TEP1: variants seen among roughly 807,000 people sequenced by gnomAD.
TEP1 encodes the protein telomerase associated protein 1.
A neutral mutation model predicts 306.3 loss-of-function variants in TEP1; 241 were observed. The observed-to-expected ratio is 0.79, with a 90% CI of 0.71 to 0.88. TEP1 has a LOEUF of 0.88. Among genes scored for constraint, TEP1 ranks in the 40% least tolerant of loss-of-function variants. The pLI is 0.00. For synonymous variants in TEP1, 1,289 were observed against 1,305.5 expected (o/e 0.99, Z 0.27); for missense variants, 3,051 against 3,276.1 (o/e 0.93, Z 1.68).
At chr14:20,408,573 A>G (rs1879395384) in intron 1 of TEP1, 110 bp from the exon 2 acceptor site, 1 of 844,426 alleles carries the variant, frequency 1.2e-6, no homozygotes, top group Non-Finnish European at 1.8e-6. Context: ...ATTTGTGGGT[A>G]GAAAACAACC....
chr14:20,382,075 A>G lies in TEP1; in HGVS notation c.4274-12T>C. The G allele has an allele frequency of 6.2e-7, 1 of 1,613,816 alleles. No homozygotes were observed. Among genetic ancestry groups the G allele is most frequent in the African/African-American group, 1.3e-5 (1 of 74,986 alleles). On this transcript the variant is annotated splice_polypyrimidine_tract_variant and intron_variant, in intron 29 of 54. Coordinates refer to ENST00000262715, the MANE Select transcript of TEP1 (RefSeq NM_007110.5). Reference sequence around the variant, plus strand: ...GTCCACAGTCAAACCTGAAAACTCAAGCTCTCTGAGGCCCTCATCTAACCA... The same window carrying G: ...GTCCACAGTCAAACCTGAAAACTCAGGCTCTCTGAGGCCCTCATCTAACCA...
rs556718875 is a variant in TEP1 at position 20,368,867 on chromosome 14, T to C, written c.7692A>G (p.Leu2564=). Reference sequence around the variant, plus strand: ...TCGAAGCTGTCACCAGCAACTCAGGTAGCACATGGAGGGCTGTGACAGAGC... The same window carrying C: ...TCGAAGCTGTCACCAGCAACTCAGGCAGCACATGGAGGGCTGTGACAGAGC... ...HSGSVTALHV[L]PELLVTASKD... is the part of the protein sequence containing the mutation. The change falls in exon 54 of 55, where the codon CTA becomes CTG. Residue 2564 remains leucine, a synonymous_variant. Coordinates refer to ENST00000262715, the MANE Select transcript of TEP1 (RefSeq NM_007110.5). 3 of 1,613,820 alleles carry C rather than the reference T, an allele frequency of 1.9e-6. No individual in the cohort carries two copies. In the African/African-American group the frequency reaches 4.0e-5, roughly 22 times the overall value.
At position 20,401,157 on chromosome 14, in the gene TEP1, A is replaced by T; in HGVS notation, c.1392-16T>A. 1 of 1,613,348 alleles carries T rather than the reference A, an allele frequency of 6.2e-7. No homozygotes were observed. ...GGAGGGGTATCTGAGGATAGGTAAG[A>T]AAGAGGTCTATCATTTCAGAGTCAG... On this transcript the variant is annotated splice_polypyrimidine_tract_variant and intron_variant, in intron 8 of 54. Coordinates refer to ENST00000262715, the MANE Select transcript of TEP1 (RefSeq NM_007110.5).
chr14:20,382,897 C>T lies in TEP1; in HGVS notation c.4048-182G>A, dbSNP rs148776761. The stretch of plus-strand genomic sequence containing the variant: ...CCTACGCTGCTCTGCCCAGCCAGCC[C>T]TGCCAGAAAACCCCTGTGGCTCGGC... On this transcript the variant is annotated intron_variant, in intron 27 of 54. Coordinates refer to ENST00000262715, the MANE Select transcript of TEP1 (RefSeq NM_007110.5). 2.1e-3 allele frequency among the ~76,000 whole-genome samples: 315 copies of T among 152,336 alleles called. 3 individuals carry two copies. Among genetic ancestry groups the T allele is most frequent in the Non-Finnish European group, 4.0e-3 (269 of 68,032 alleles).
At chr14:20,400,214 C>T (rs538164859) in intron 9 of TEP1, among the ~76,000 whole-genome samples, 63 of 151,118 alleles carry the variant, frequency 4.2e-4, no homozygotes, top group Admixed American at 1.1e-3. Flanking sequence ...TCTACTCCAC[C>T]CCAAGTGGTT....
Position 20,382,352 on chromosome 14 carries a change from G to A in TEP1, c.4145C>T (p.Ser1382Phe). Residue 1382 changes from serine to phenylalanine, a missense_variant, in exon 29 of 55, where the codon TCT (serine) becomes TTT (phenylalanine). Ser to Phe is a radical substitution (Grantham distance 155, BLOSUM62 -2). This residue lies in a region of TEP1 where 1,540 missense variants were observed against 1,705.9 expected (regional missense o/e 0.90). Coordinates refer to ENST00000262715, the MANE Select transcript of TEP1 (RefSeq NM_007110.5). ...GGCAGGCAGGGTCCGGAGTCTCTCA[G>A]ACACCTAGGATGGCGGGAGGACAGC... is the stretch of plus-strand genomic sequence containing the variant. Reference protein sequence around the residue: ...LRLFTLYEQVSERLRTLPATV... With the variant: ...LRLFTLYEQVFERLRTLPATV... The A allele has an allele frequency of 6.2e-7, 1 of 1,608,112 alleles. No homozygotes were observed. Among genetic ancestry groups the A allele is most frequent in the Non-Finnish European group, 8.5e-7 (1 of 1,177,018 alleles).
chr14:20,383,227 C>G lies in TEP1; in HGVS notation c.3994G>C (p.Glu1332Gln), dbSNP rs1169160326. 1.9e-6 allele frequency: 3 copies of G among 1,613,854 alleles called. No individual in the cohort carries two copies. Among genetic ancestry groups the G allele is most frequent in the Non-Finnish European group, 2.5e-6 (3 of 1,179,972 alleles). The change falls in exon 27 of 55, where the codon GAG becomes CAG. Residue 1332 changes from glutamate (E) to glutamine (Q), a missense_variant. Transcript: ENST00000262715. ...CGCTTCCCGTACAGGGCCAGCTCCT[C>G]TCTCACCAGCCGGGCCCGAGCAGAG... ...EASARARLVR[E>Q]ELALYGKRLE...
chr14:20,390,579 A>T, intron 15 of TEP1, 102 bp downstream of exon 15: 1 of 1,084,346 alleles, frequency 9.2e-7, no homozygotes, highest in Non-Finnish European at 1.4e-6. Context: ...TGACTATTGT[A>T]TGTGGTTGGA....
chr14:20,373,142 T>G lies in TEP1; in HGVS notation c.6820A>C (p.Thr2274Pro). 6.2e-7 allele frequency: 1 copy of G among 1,614,178 alleles called. No individual in the cohort carries two copies. Among genetic ancestry groups the G allele is most frequent in the Non-Finnish European group, 8.5e-7 (1 of 1,180,026 alleles). The change falls in exon 48 of 55, where the codon ACA becomes CCA. Residue 2274 changes from threonine to proline, a missense_variant. Around this residue, in one of 3 missense-constraint regions of TEP1, gnomAD observed 1,540 missense variants for 1,705.9 expected, o/e 0.90. Coordinates refer to ENST00000262715, the MANE Select transcript of TEP1 (RefSeq NM_007110.5). ...LWQVPKEADD[T>P]CIPRSSAAVT... ...GCTGCAGAACTCCTTGGTATACATG[T>G]GTCATCTGGAGGAGAAAGGACGTGT...
At chr14:20,391,220 A>G in intron 13 of TEP1, 124 bp from the exon 14 acceptor site, 1 of 1,028,794 alleles carries the variant, frequency 9.7e-7, no homozygotes, top group East Asian at 2.6e-5. Context: ...TAAAATCCCA[A>G]GTTAGGAGGG....
Position 20,376,141 on chromosome 14 carries a change from G to A in TEP1, c.6212C>T (p.Thr2071Ile), listed in dbSNP as rs1885163031. Residue 2071 changes from threonine (T) to isoleucine (I), a missense_variant, in exon 42 of 55, where the codon ACT becomes ATT. By Grantham distance (89) the Thr-to-Ile change is moderately conservative. This residue lies in a region of TEP1 where 1,540 missense variants were observed against 1,705.9 expected (regional missense o/e 0.90). Coordinates refer to ENST00000262715, the MANE Select transcript of TEP1 (RefSeq NM_007110.5). ...EGPVSCCSFS[T>I]DGGSLATGGR... ...CCCGGTGGCCAGGCTGCCTCCATCA[G>A]TGCTGAAACTACAGCAGCTCACAGG... The A allele has an allele frequency of 1.2e-6, 2 of 1,614,102 alleles. No individual in the cohort carries two copies. The highest frequency in any genetic ancestry group is 1.7e-5 in the Admixed American group (1 of 60,006).
In TEP1 at chr14:20,384,139, G is replaced by A. The variant is rs769492613; in HGVS notation, c.3433C>T (p.Arg1145Trp). The change falls in exon 24 of 55, where the codon CGG (arginine) becomes TGG (tryptophan). Residue 1145 changes from arginine to tryptophan, a missense_variant. By Grantham distance (101) the Arg-to-Trp change is moderately radical. Transcript: ENST00000262715. ...QQLQKPPSPARPRLLQDTVQR... is the reference protein window; with the variant it reads ...QQLQKPPSPAWPRLLQDTVQR... Reference sequence around the variant, plus strand: ...ACTGTGTCCTGAAGAAGGCGTGGCCGGGCAGGACTCGGTGGCTTCTGCAGC... The same window carrying A: ...ACTGTGTCCTGAAGAAGGCGTGGCCAGGCAGGACTCGGTGGCTTCTGCAGC... 1.8e-5 allele frequency: 29 copies of A among 1,614,024 alleles called. No homozygotes were observed. Among genetic ancestry groups the A allele is most frequent in the African/African-American group, 4.0e-5 (3 of 74,912 alleles).
At position 20,386,130 on chromosome 14, in the gene TEP1, C is replaced by T. The variant is rs370051094; in HGVS notation, c.2927G>A (p.Arg976His). Residue 976 changes from arginine (R) to histidine (H), a missense_variant, in exon 20 of 55, where the codon CGT (arginine) becomes CAT (histidine). By Grantham distance (29) the Arg-to-His change is conservative. This residue lies in a region of TEP1 where 1,507 missense variants were observed against 1,550.5 expected (regional missense o/e 0.97). Transcript: ENST00000262715. ...AQLFVGILGSRYGYIPPSYNL... is the reference protein window; with the variant it reads ...AQLFVGILGSHYGYIPPSYNL... The stretch of plus-strand genomic sequence containing the variant: ...GTAGCTGGGGGGAATGTATCCATAA[C>T]GGGAGCCCAGAATCCCCACAAACAG... The T allele has an allele frequency of 1.7e-5, 28 of 1,613,288 alleles. No individual in the cohort carries two copies. Among genetic ancestry groups the T allele is most frequent in the Middle Eastern group, 1.6e-4 (1 of 6,074 alleles).
At chr14:20,395,697 G>A (rs1426377029) in intron 11 of TEP1, 70 bp from the exon 12 acceptor site, 39 of 1,551,554 alleles carry the variant, frequency 2.5e-5, no homozygotes, top group Non-Finnish European at 3.2e-5. Context: ...CCAGTAATGT[G>A]ACCTGAGCCC....
chr14:20,410,527 A>T (rs1346829265), intron 1 of TEP1, among the ~76,000 whole-genome samples: 12 of 150,952 alleles, frequency 7.9e-5, no homozygotes, highest in Admixed American at 7.9e-4. Context: ...GGTTCAATCC[A>T]TTCTCCTGCC....
chr14:20,379,142 C>G, intron 35 of TEP1, 37 bp from the exon 36 acceptor site: 3 of 1,608,282 alleles, frequency 1.9e-6, no homozygotes, highest in Non-Finnish European at 2.5e-6. Context: ...CTCAGGCCAT[C>G]CCCTTGACCC....
chr14:20,403,480 A>C (rs750713280), intron 6 of TEP1, 32 bp from the exon 7 acceptor site: 1 of 1,613,500 alleles, frequency 6.2e-7, no homozygotes, highest in South Asian at 1.1e-5. Context: ...TTTCAAAAAA[A>C]GGGAACTGGC....
chr14:20,403,893 G>C lies in TEP1; in HGVS notation c.1033-9C>G, dbSNP rs1334101046. The C allele has an allele frequency of 3.1e-6, 5 of 1,614,074 alleles. No individual in the cohort carries two copies. The highest frequency in any genetic ancestry group is 4.2e-6 in the Non-Finnish European group (5 of 1,180,022). On this transcript the variant is annotated splice_polypyrimidine_tract_variant and intron_variant, in intron 5 of 54. Coordinates refer to ENST00000262715, the MANE Select transcript of TEP1 (RefSeq NM_007110.5). ...TCTCCCTCAGCCAGGCTCTGTCAAA[G>C]AGAGAGGAGAGACCACTAGAAGCAA...
At chr14:20,369,888 A>G in intron 51 of TEP1, 109 bp from the exon 52 acceptor site, 3 of 759,066 alleles carry the variant, frequency 4.0e-6, no homozygotes, top group East Asian at 5.4e-5. Flanking sequence ...TTTTTTTTTA[A>G]CTACAACTTA....
Sources: gnomAD v4.1 joint callset for allele counts (sites outside exome capture counted in the v4.1 genomes callset) on GRCh38, gnomAD v4.1.1 for gene constraint, gnomAD v4.1.1 regional missense constraint, MANE v1.5 for transcripts, NCBI Gene and HGNC (gene_info 2026-07-23, HGNC 2026-07-21) for gene names.